GOLGB1: variants seen among roughly 807,000 people sequenced by gnomAD.
GOLGB1 encodes golgin B1.
GOLGB1 carries 174 observed loss-of-function variants against 336.9 expected under a neutral mutation model. The ratio of observed to expected loss-of-function variants is 0.52; its 90% CI spans 0.46 to 0.59. The LOEUF (loss-of-function observed/expected upper bound fraction) is 0.59, where lower values mean the gene tolerates loss of function less well. GOLGB1 is among the 20% of genes least tolerant of loss of function. GOLGB1 has a pLI of 0.00. For missense variants in GOLGB1, 3,331 were observed against 3,645.3 expected (o/e 0.91, Z 2.22); for synonymous variants, 1,208 against 1,289.2 (o/e 0.94, Z 1.35).
In GOLGB1 at chr3:121,691,005, C is replaced by A. The variant is rs375250064; in HGVS notation, c.8359G>T (p.Asp2787Tyr). Residue 2787 changes from aspartate (D) to tyrosine (Y), a missense_variant, in exon 14 of 22, where the codon GAT (aspartate) becomes TAT (tyrosine). Asp to Tyr is a radical substitution (Grantham distance 160, BLOSUM62 -3). Transcript: ENST00000614479. ...KEQGLLNRER[D>Y]ALLSETAFSM... Reference sequence around the variant, plus strand: ...AAGGCGGTTTCAGAAAGAAGAGCATCTCTCTCTCTGTTTAAGAGTCCCTGT... The same window carrying A: ...AAGGCGGTTTCAGAAAGAAGAGCATATCTCTCTCTGTTTAAGAGTCCCTGT... The A allele has an allele frequency of 5.0e-6, 8 of 1,611,174 alleles. No individual in the cohort carries two copies. Among genetic ancestry groups the A allele is most frequent in the Admixed American group, 1.7e-5 (1 of 59,936 alleles).
At chr3:121,683,052 A>ATTTTTTTTTTTTTTTT (rs1491279532) in intron 14 of GOLGB1, among the ~76,000 whole-genome samples, 1 of 81,206 alleles carries the variant, frequency 1.2e-5, no homozygotes, top group African/African-American at 4.1e-5. Flanking sequence ...AATTTCTTTT[A>ATTTTTTTTTTTTTTTT]ATTTTTTTTT....
intron 14 of GOLGB1, among the ~76,000 whole-genome samples, chr3:121,684,853 A>T (rs1262279626): frequency 6.6e-6 from 1 of 152,228 alleles, no homozygotes; most frequent in Non-Finnish European, 1.5e-5. Flanking sequence ...TAGGAGATCT[A>T]ATATAGGAGA....
intron 11 of GOLGB1, among the ~76,000 whole-genome samples, chr3:121,700,670 G>T (rs944581150): frequency 6.6e-6 from 1 of 151,892 alleles, no homozygotes; most frequent in African/African-American, 2.4e-5. Flanking sequence ...AAAAACACTG[G>T]TCTGTTTTCT....
In GOLGB1 at chr3:121,668,107, C is replaced by T; in HGVS notation, c.9373G>A (p.Val3125Ile). 3 of 1,609,738 alleles carry T rather than the reference C, an allele frequency of 1.9e-6. No individual in the cohort carries two copies. The highest frequency in any genetic ancestry group is 2.5e-6 in the Non-Finnish European group (3 of 1,177,650). ...TCCTCAGGGTCACTCTTTCTGTGAA[C>T]TCCATTCTTTTCCTGGGGAGCTCCT... ...APGAPQEKNG[V>I]HRKSDPEELR... Residue 3125 changes from valine (V) to isoleucine (I), a missense_variant, in exon 19 of 22, where the codon GTT becomes ATT. Coordinates refer to ENST00000614479, the MANE Select transcript of GOLGB1 (RefSeq NM_001366282.2).
In GOLGB1 at chr3:121,694,994, G is replaced by A; in HGVS notation, c.5529C>T (p.Tyr1843=). 1.2e-6 allele frequency: 2 copies of A among 1,613,984 alleles called. No homozygotes were observed. Among genetic ancestry groups the A allele is most frequent in the Non-Finnish European group, 1.7e-6 (2 of 1,179,898 alleles). Reference sequence around the variant, plus strand: ...CTTTGAGCTGATCAATCTGCTGTAGGTAGTTATTAATTTCATCATGTGAGC... The same window carrying A: ...CTTTGAGCTGATCAATCTGCTGTAGATAGTTATTAATTTCATCATGTGAGC... ...DFSSHDEINN[Y]LQQIDQLKER... is the part of the protein sequence containing the mutation. Residue 1843 remains tyrosine, a synonymous_variant, in exon 13 of 22, where the codon TAC becomes TAT. Coordinates refer to ENST00000614479, the MANE Select transcript of GOLGB1 (RefSeq NM_001366282.2).
chr3:121,697,073 C>A lies in GOLGB1; in HGVS notation c.3450G>T (p.Val1150=). The A allele has an allele frequency of 6.2e-7, 1 of 1,613,998 alleles. No individual in the cohort carries two copies. The highest frequency in any genetic ancestry group is 1.1e-5 in the South Asian group (1 of 91,084). ...TACCTGTACAAGGTGGACTTATCACCACTGTTTCCTTTACAAGTGCTACGG... is the reference window on the plus strand; with the variant it reads ...TACCTGTACAAGGTGGACTTATCACAACTGTTTCCTTTACAAGTGCTACGG... The part of the protein sequence containing the change: ...GDSVALVKET[V]VISPPCTGSS... The change falls in exon 13 of 22, where the codon GTG becomes GTT. Residue 1150 remains valine (V), a synonymous_variant. Coordinates refer to ENST00000614479, the MANE Select transcript of GOLGB1 (RefSeq NM_001366282.2).
Position 121,714,946 on chromosome 3 carries a change from C to A in GOLGB1, c.1319G>T (p.Ser440Ile), listed in dbSNP as rs769522785. The change falls in exon 10 of 22, where the codon AGC becomes ATC. Residue 440 changes from serine (S) to isoleucine (I), a missense_variant. Ser to Ile is a moderately radical substitution (Grantham distance 142). Coordinates refer to ENST00000614479, the MANE Select transcript of GOLGB1 (RefSeq NM_001366282.2). The part of the protein sequence containing the change: ...DQLQQKSKEI[S>I]QFLNRLPLQQ... The stretch of plus-strand genomic sequence containing the variant: ...CAAGGGCAGTCTATTTAGAAATTGG[C>A]TAATTTCTTTGGATTTTTGCTGGAG... 3.1e-6 allele frequency: 5 copies of A among 1,611,316 alleles called. No homozygotes were observed. Among genetic ancestry groups the A allele is most frequent in the African/African-American group, 1.3e-5 (1 of 74,776 alleles).
rs1943245186 is a variant in GOLGB1, at chr3:121,699,846, T to C, written c.1559A>G (p.Asn520Ser). The C allele has an allele frequency of 6.2e-7, 1 of 1,606,216 alleles. No individual in the cohort carries two copies. Among genetic ancestry groups the C allele is most frequent in the South Asian group, 1.1e-5 (1 of 90,666 alleles). ...TTCTCTGTCTGCCTCCCCAGTTCTA[T>C]TCTGAGCCTCTAGGAGAGTAATCTG... Reference protein sequence around the residue: ...SSQITLLEAQNRTGEADREVS... With the variant: ...SSQITLLEAQSRTGEADREVS... Residue 520 changes from asparagine (N) to serine (S), a missense_variant, in exon 12 of 22, where the codon AAT becomes AGT. By Grantham distance (46) the Asn-to-Ser change is conservative. Coordinates refer to ENST00000614479, the MANE Select transcript of GOLGB1 (RefSeq NM_001366282.2).
chr3:121,731,277 T>C (rs777250479), intron 1 of GOLGB1, among the ~76,000 whole-genome samples: 7 of 152,222 alleles, frequency 4.6e-5, no homozygotes, highest in Non-Finnish European at 1.0e-4. Flanking sequence ...CAATCTATAA[T>C]TGTTAAATAC....
At position 121,677,387 on chromosome 3, in the gene GOLGB1, G is replaced by C; in HGVS notation, c.8937C>G (p.Ile2979Met). The C allele has an allele frequency of 6.2e-7, 1 of 1,605,176 alleles. No homozygotes were observed. Among genetic ancestry groups the C allele is most frequent in the Admixed American group, 1.7e-5 (1 of 60,006 alleles). The part of the protein sequence containing the change: ...RRMKEQYLMA[I>M]SDKDQQLSHL... ...GACTGAGCTGCTGATCTTTATCTGA[G>C]ATAGCCATAAGGTACTGTTCCTTCA... Residue 2979 changes from isoleucine to methionine, a missense_variant, in exon 16 of 22, where the codon ATC (isoleucine) becomes ATG (methionine). Transcript: ENST00000614479.
At position 121,695,096 on chromosome 3, in the gene GOLGB1, A is replaced by T; in HGVS notation, c.5427T>A (p.Ser1809Arg). ...CTGAACATGTAGGTCTTGTGCTCAT[A>T]CTCAGAGAGTCTTGCTCTTCAGTCT... ...PGETEEQDSL[S>R]MSTRPTCSES... The change falls in exon 13 of 22, where the codon AGT (serine) becomes AGA (arginine). Residue 1809 changes from serine (S) to arginine (R), a missense_variant. Coordinates refer to ENST00000614479, the MANE Select transcript of GOLGB1 (RefSeq NM_001366282.2). The T allele has an allele frequency of 6.2e-7, 1 of 1,612,926 alleles. No homozygotes were observed. Among genetic ancestry groups the T allele is most frequent in the Non-Finnish European group, 8.5e-7 (1 of 1,179,882 alleles).
chr3:121,719,713 A>C lies in GOLGB1; in HGVS notation c.704T>G (p.Val235Gly). ...REKDARFETQ[V>G]RLHEDELLQL... ...AAGAAGCTCATCTTCATGAAGACGAACTTGTGTTTCAAAGCGGGCATCTTT... is the reference window on the plus strand; with the variant it reads ...AAGAAGCTCATCTTCATGAAGACGACCTTGTGTTTCAAAGCGGGCATCTTT... The change falls in exon 7 of 22, where the codon GTT becomes GGT. Residue 235 changes from valine to glycine, a missense_variant. Physicochemically the swap from Val to Gly is moderately radical, Grantham distance 109. Transcript: ENST00000614479. 8.7e-6 allele frequency: 14 copies of C among 1,610,016 alleles called. No homozygotes were observed. The highest frequency in any genetic ancestry group is 1.2e-5 in the Non-Finnish European group (14 of 1,177,698).
chr3:121,691,656 G>A lies in GOLGB1; in HGVS notation c.7708C>T (p.Leu2570=). 6.2e-7 allele frequency: 1 copy of A among 1,611,328 alleles called. No individual in the cohort carries two copies. The highest frequency in any genetic ancestry group is 2.2e-5 in the East Asian group (1 of 44,872). ...TCTAATTTAGCATATTTATTTTCCAGCTCCTTATTTTGCTGAAGTTGAACT... is the reference window on the plus strand; with the variant it reads ...TCTAATTTAGCATATTTATTTTCCAACTCCTTATTTTGCTGAAGTTGAACT... ...LEVQLQQNKE[L]ENKYAKLEEK... is the part of the protein sequence containing the mutation. The change falls in exon 14 of 22, where the codon CTG becomes TTG. Residue 2570 remains leucine (L), a synonymous_variant. Transcript: ENST00000614479.
rs999094336 is a variant in GOLGB1, at chr3:121,746,939, T to C, written c.-3+2693A>G. 1.3e-4 allele frequency among the ~76,000 whole-genome samples: 19 copies of C among 151,768 alleles called. No homozygotes were observed. The South Asian group carries it at 1.5e-3, about 12-fold the overall frequency. On this transcript the variant is annotated intron_variant, in intron 1 of 21. Transcript: ENST00000614479. ...TGAAGATACACAGAAAATATTTTAT[T>C]TTCTGAATAATCTCATTATCCAATA...
chr3:121,734,190 C>T (rs1946320587), intron 1 of GOLGB1, among the ~76,000 whole-genome samples: 1 of 151,966 alleles, frequency 6.6e-6, no homozygotes, highest in African/African-American at 2.4e-5. Context: ...AGGAGTTCAA[C>T]ACCAGCCTGG....
At chr3:121,674,846 T>C (rs1467337546) in intron 17 of GOLGB1, among the ~76,000 whole-genome samples, 1 of 148,298 alleles carries the variant, frequency 6.7e-6, no homozygotes, top group Non-Finnish European at 1.5e-5. Context: ...TTTTTTTTTT[T>C]GAGACGGAGT....
At chr3:121,681,229 A>G (rs1411991699) in intron 15 of GOLGB1, among the ~76,000 whole-genome samples, 2 of 152,256 alleles carry the variant, frequency 1.3e-5, no homozygotes, top group Non-Finnish European at 2.9e-5. Context: ...TCAAAGGGTT[A>G]TATACTGCAA....
chr3:121,664,589 C>T lies in GOLGB1; in HGVS notation c.9686G>A (p.Arg3229Gln), dbSNP rs748417612. The T allele has an allele frequency of 4.3e-6, 7 of 1,613,854 alleles. No homozygotes were observed. Among genetic ancestry groups the T allele is most frequent in the South Asian group, 2.2e-5 (2 of 91,068 alleles). The part of the protein sequence containing the change: ...RRTRSGVGWK[R>Q]VLRSLCHSRT... ...TGAATGACAGAGTGAACGCAGGACT[C>T]GCTTCCATCCAACGCCACTCCGGGT... Residue 3229 changes from arginine (R) to glutamine (Q), a missense_variant, in exon 22 of 22, where the codon CGA becomes CAA. By Grantham distance (43) the Arg-to-Gln change is conservative. Coordinates refer to ENST00000614479, the MANE Select transcript of GOLGB1 (RefSeq NM_001366282.2).
intron 10 of GOLGB1, among the ~76,000 whole-genome samples, chr3:121,712,595 A>C (rs1162013397): frequency 1.3e-5 from 2 of 152,232 alleles, no homozygotes; most frequent in Non-Finnish European, 2.9e-5. Context: ...ATATATAAAG[A>C]ATTCCTACTT....
Sources: allele counts gnomAD v4.1 joint callset (sites outside exome capture counted in the v4.1 genomes callset), GRCh38; gene constraint gnomAD v4.1.1; transcripts MANE v1.5; gene names NCBI Gene and HGNC (gene_info 2026-07-23, HGNC 2026-07-21).